EPB41L4A: variants seen among roughly 807,000 people sequenced by gnomAD.
The protein encoded by EPB41L4A is band 4.1-like protein 4A.
A neutral mutation model predicts 108.6 loss-of-function variants in EPB41L4A; 100 were observed. The observed-to-expected ratio is 0.92, with a 90% CI of 0.78 to 1.09. EPB41L4A has a LOEUF of 1.09. Among genes scored for constraint, EPB41L4A ranks in the 50% least tolerant of loss-of-function variants. The pLI is 0.00. For synonymous variants in EPB41L4A, 319 were observed against 289.0 expected (o/e 1.10, Z -1.05); for missense variants, 1,030 against 842.7 (o/e 1.22, Z -2.75).
At chr5:112,206,496 T>C (rs1400719141) in intron 13 of EPB41L4A, among the ~76,000 whole-genome samples, 1 of 152,186 alleles carries the variant, frequency 6.6e-6, no homozygotes, top group African/African-American at 2.4e-5. Context: ...ATTATTTTTA[T>C]AAAGGCTAAA....
At chr5:112,347,869 C>G (rs115200558) in intron 1 of EPB41L4A, among the ~76,000 whole-genome samples, 1,547 of 152,256 alleles carry the variant, frequency 0.01, 19 homozygotes, top group African/African-American at 0.036. Context: ...GGCCCTGTCT[C>G]GACCCCTCCA....
chr5:112,347,798 C>T (rs1757781334), intron 1 of EPB41L4A, among the ~76,000 whole-genome samples: 1 of 152,148 alleles, frequency 6.6e-6, no homozygotes, highest in Admixed American at 6.5e-5. Context: ...CTGTGTCTTC[C>T]AGCACTCTAA....
chr5:112,294,994 C>T (rs188315738), intron 2 of EPB41L4A, among the ~76,000 whole-genome samples: 1 of 152,254 alleles, frequency 6.6e-6, no homozygotes, highest in Admixed American at 6.5e-5. Flanking sequence ...ACAGGACAGC[C>T]AGTCAAAAAA....
intron 1 of EPB41L4A, among the ~76,000 whole-genome samples, chr5:112,339,484 ATAT>A (rs1757134729): frequency 5.7e-5 from 2 of 35,304 alleles, no homozygotes; most frequent in South Asian, 2.7e-3. Context: ...CTATATATAT[ATAT>A]ATATATATCT....
chr5:112,323,079 G>A (rs1034974566), intron 1 of EPB41L4A, among the ~76,000 whole-genome samples: 1 of 152,092 alleles, frequency 6.6e-6, no homozygotes, highest in Non-Finnish European at 1.5e-5. Context: ...TCCATTCAGA[G>A]TTCTGAAAGA....
At chr5:112,193,239 G>A (rs1159941818) in intron 17 of EPB41L4A, among the ~76,000 whole-genome samples, 1 of 152,170 alleles carries the variant, frequency 6.6e-6, no homozygotes, top group Non-Finnish European at 1.5e-5. Flanking sequence ...AGGGTTCTAA[G>A]CATTAAAGAA....
chr5:112,220,284 G>A (rs1385620242), intron 12 of EPB41L4A, among the ~76,000 whole-genome samples: 1 of 152,148 alleles, frequency 6.6e-6, no homozygotes, highest in Non-Finnish European at 1.5e-5. Flanking sequence ...GTTCTATCAA[G>A]TGACAAATCC....
chr5:112,177,269 G>A (rs985461794), intron 18 of EPB41L4A, among the ~76,000 whole-genome samples: 2 of 152,062 alleles, frequency 1.3e-5, no homozygotes, highest in East Asian at 1.9e-4. Flanking sequence ...ACATTTATTC[G>A]TTCAAGGCCT....
chr5:112,390,227 C>T (rs1760844338), intron 1 of EPB41L4A, among the ~76,000 whole-genome samples: 1 of 152,286 alleles, frequency 6.6e-6, no homozygotes, highest in South Asian at 2.1e-4. Context: ...GAGGGTGAGC[C>T]AAAGCAGGGC....
intron 1 of EPB41L4A, among the ~76,000 whole-genome samples, chr5:112,399,324 G>T (rs1237792698): frequency 6.6e-6 from 1 of 152,020 alleles, no homozygotes; most frequent in Non-Finnish European, 1.5e-5. Context: ...CATTCAATCA[G>T]ATTCCCCTGT....
intron 1 of EPB41L4A, among the ~76,000 whole-genome samples, chr5:112,379,745 G>T (rs1760043349): frequency 6.6e-6 from 1 of 152,140 alleles, no homozygotes; most frequent in African/African-American, 2.4e-5. Context: ...TTGATCTAAG[G>T]CTTACCCGAA....
At chr5:112,393,451 T>C (rs1055059279) in intron 1 of EPB41L4A, among the ~76,000 whole-genome samples, 2 of 152,220 alleles carry the variant, frequency 1.3e-5, no homozygotes, top group African/African-American at 4.8e-5. Context: ...CATCAAAGAA[T>C]ACTATAGACA....
chr5:112,384,935 T>C (rs952749020), intron 1 of EPB41L4A, among the ~76,000 whole-genome samples: 1 of 152,228 alleles, frequency 6.6e-6, no homozygotes, highest in Non-Finnish European at 1.5e-5. Flanking sequence ...GCCCCATCCA[T>C]TTGCTAGGGT....
At chr5:112,325,817 G>A (rs765473540) in intron 1 of EPB41L4A, among the ~76,000 whole-genome samples, 1 of 152,088 alleles carries the variant, frequency 6.6e-6, no homozygotes, top group Non-Finnish European at 1.5e-5. Context: ...ACTCAGTAAA[G>A]GTCATCCCCA....
intron 12 of EPB41L4A, among the ~76,000 whole-genome samples, chr5:112,215,742 G>A (rs374836344): frequency 8.0e-5 from 9 of 112,518 alleles, no homozygotes; most frequent in Middle Eastern, 0.016. Context: ...CAGCCTGGGC[G>A]ACAGAGTGAG....
At chr5:112,385,740 C>T (rs929215135) in intron 1 of EPB41L4A, among the ~76,000 whole-genome samples, 3 of 152,062 alleles carry the variant, frequency 2.0e-5, no homozygotes, top group African/African-American at 7.2e-5. Context: ...TGGTCATATC[C>T]AACCTCCCCA....
chr5:112,329,197 A>G (rs1027787009), intron 1 of EPB41L4A, among the ~76,000 whole-genome samples: 1 of 152,250 alleles, frequency 6.6e-6, no homozygotes, highest in Admixed American at 6.5e-5. Context: ...TTTTTTATTG[A>G]TTACATGTTG....
At chr5:112,199,386 T>C (rs1030774181) in intron 15 of EPB41L4A, among the ~76,000 whole-genome samples, 3 of 152,174 alleles carry the variant, frequency 2.0e-5, no homozygotes, top group African/African-American at 7.2e-5. Flanking sequence ...TCTCTTGATT[T>C]TTCCATGGCC....
Position 112,204,451 on chromosome 5 carries a change from G to C in EPB41L4A, c.1300C>G (p.Pro434Ala). Reference protein sequence around the residue: ...YNSPSDRTKSPKFPYTRRRNP... With the variant: ...YNSPSDRTKSAKFPYTRRRNP... ...CGGCGACGCGTGTAAGGGAACTTTG[G>C]CGACTTAGTGCGATCACTGGGAGAA... The change falls in exon 15 of 23, where the codon CCA becomes GCA. Residue 434 changes from proline to alanine, a missense_variant. Coordinates refer to ENST00000261486, the MANE Select transcript of EPB41L4A (RefSeq NM_022140.5). 1 of 1,613,674 alleles carries C rather than the reference G, an allele frequency of 6.2e-7. No homozygotes were observed. Among genetic ancestry groups the C allele is most frequent in the Non-Finnish European group, 8.5e-7 (1 of 1,179,758 alleles).
Sources: allele counts gnomAD v4.1 joint callset (sites outside exome capture counted in the v4.1 genomes callset), GRCh38; gene constraint gnomAD v4.1.1; transcripts MANE v1.5; gene names NCBI Gene and HGNC (gene_info 2026-07-23, HGNC 2026-07-21).